Variants in GAS7 observed in about 807,000 individuals in gnomAD.
The protein encoded by GAS7 is growth arrest specific 7, also known as growth arrest-specific protein 7.
In GAS7, 28 loss-of-function variants were observed where a neutral mutation model predicts 71.1. That is an observed-to-expected ratio of 0.39 (90% CI 0.29 to 0.54). The LOEUF (loss-of-function observed/expected upper bound fraction) is 0.54. GAS7 is among the 20% of genes least tolerant of loss of function. The probability of loss-of-function intolerance (pLI) is 0.62; values close to 1 mark genes in which losing one functional copy is unlikely to be tolerated. For synonymous variants in GAS7, 258 were observed against 245.8 expected (o/e 1.05, Z -0.46); for missense variants, 436 against 627.8 (o/e 0.69, Z 3.27).
chr17:10,182,141 G>A (rs1007799799), intron 1 of GAS7, among the ~76,000 whole-genome samples: 5 of 152,062 alleles, frequency 3.3e-5, no homozygotes, highest in African/African-American at 9.7e-5. Flanking sequence ...CTACCTAAGC[G>A]GTAGCCATCC....
In GAS7 at chr17:10,032,938, C is replaced by T. The variant is rs530751792; in HGVS notation, c.184-13041G>A. On this transcript the variant is annotated intron_variant, in intron 1 of 13. Transcript: ENST00000432992. ...AAATGCATGCCCAAATCACGGTATGCGATAGTGCACATGACCTCAGGTCTG... is the reference window on the plus strand; with the variant it reads ...AAATGCATGCCCAAATCACGGTATGTGATAGTGCACATGACCTCAGGTCTG... Among the ~76,000 whole-genome samples, 8 of 152,250 alleles carry T rather than the reference C, an allele frequency of 5.3e-5. No homozygotes were observed. In the South Asian group the frequency reaches 1.7e-3, roughly 32 times the overall value.
intron 1 of GAS7, among the ~76,000 whole-genome samples, chr17:10,112,753 G>GAA (rs376266523): frequency 8.1e-5 from 2 of 24,660 alleles, no homozygotes; most frequent in South Asian, 2.2e-3. Context: ...AACAAACAAA[G>GAA]AAAAGAAAAA....
rs768828455 is a variant in GAS7 at position 9,990,874 on chromosome 17, G to A, written c.305-8990C>T. ...GGTATACTCTAAGGTCTGAGAATCCGTTATTAAGAGCTCTGGCGCTGGCAT... is the reference window on the plus strand; with the variant it reads ...GGTATACTCTAAGGTCTGAGAATCCATTATTAAGAGCTCTGGCGCTGGCAT... On this transcript the variant is annotated intron_variant, in intron 2 of 13. Transcript: ENST00000432992. Among the ~76,000 whole-genome samples the A allele has an allele frequency of 3.9e-5, 6 of 152,274 alleles. 1 individual carries two copies. The highest frequency in any genetic ancestry group is 7.2e-5 in the African/African-American group (3 of 41,556).
chr17:10,142,189 C>G (rs922690004), intron 1 of GAS7, among the ~76,000 whole-genome samples: 2 of 145,536 alleles, frequency 1.4e-5, no homozygotes, highest in African/African-American at 5.1e-5. Flanking sequence ...GCAGTCCGGC[C>G]TGGGCGACAC....
chr17:10,118,137 C>T (rs901546412), intron 1 of GAS7, among the ~76,000 whole-genome samples: 3 of 152,154 alleles, frequency 2.0e-5, no homozygotes, highest in Non-Finnish European at 4.4e-5. Flanking sequence ...CAGCCAAGAC[C>T]ATCCCGGATT....
At chr17:9,971,413 A>T (rs2069956751) in intron 3 of GAS7, among the ~76,000 whole-genome samples, 1 of 151,998 alleles carries the variant, frequency 6.6e-6, no homozygotes, top group Admixed American at 6.6e-5. Flanking sequence ...ATATATTTTT[A>T]AATTAGCTGG....
chr17:9,945,241 C>A (rs551564560), intron 6 of GAS7, among the ~76,000 whole-genome samples: 1 of 152,202 alleles, frequency 6.6e-6, no homozygotes, highest in African/African-American at 2.4e-5. Flanking sequence ...CTGCCGCCAC[C>A]ACCATCTTTC....
intron 1 of GAS7, among the ~76,000 whole-genome samples, chr17:10,106,024 TG>T (rs958940756): frequency 6.6e-5 from 10 of 152,152 alleles, no homozygotes; most frequent in Admixed American, 1.3e-4. Flanking sequence ...CCTCTCCTCC[TG>T]GGCAGTACTA....
chr17:10,134,051 AT>A (rs1157332765), intron 1 of GAS7, among the ~76,000 whole-genome samples: 3 of 29,158 alleles, frequency 1.0e-4, no homozygotes, highest in African/African-American at 2.9e-4. Context: ...TTTTTTTGAG[AT>A]GGGAGTCTCG....
intron 1 of GAS7, among the ~76,000 whole-genome samples, chr17:10,194,858 CAAAAAAAAA>C (rs5819269): frequency 7.0e-5 from 6 of 85,196 alleles, no homozygotes; most frequent in African/African-American, 1.6e-4. Context: ...GACTCTGTCT[CAAAAAAAAA>C]AAAAAAAAAA....
At chr17:10,064,820 C>T (rs8079992) in intron 1 of GAS7, among the ~76,000 whole-genome samples, 76,788 of 151,894 alleles carry the variant, frequency 0.51, 20,159 homozygotes, top group African/African-American at 0.64. Context: ...CCTTTTTTGT[C>T]TGAATCCAAT....
intron 4 of GAS7, among the ~76,000 whole-genome samples, chr17:9,960,427 C>T (rs28593328): frequency 0.016 from 2,366 of 152,008 alleles, 55 homozygotes; most frequent in African/African-American, 0.054. Flanking sequence ...TGACCTCAGG[C>T]GATCCACCTG....
chr17:10,190,558 C>A (rs558245481), intron 1 of GAS7, among the ~76,000 whole-genome samples: 1 of 145,262 alleles, frequency 6.9e-6, no homozygotes, highest in Non-Finnish European at 1.5e-5. Context: ...CCAGCCTGAG[C>A]GACAGAGCAA....
chr17:10,011,743 G>A (rs561183534), intron 2 of GAS7, among the ~76,000 whole-genome samples: 13 of 152,292 alleles, frequency 8.5e-5, no homozygotes, highest in African/African-American at 2.9e-4. Flanking sequence ...TTGGGAGGCC[G>A]AGGCGGGTGG....
intron 1 of GAS7, among the ~76,000 whole-genome samples, chr17:10,138,744 G>A (rs2074059347): frequency 6.6e-6 from 1 of 151,870 alleles, no homozygotes; most frequent in South Asian, 2.1e-4. Flanking sequence ...TCCAGCCTGG[G>A]CGACACAGAG....
At chr17:9,985,546 A>G (rs1237465033) in intron 2 of GAS7, among the ~76,000 whole-genome samples, 2 of 152,232 alleles carry the variant, frequency 1.3e-5, no homozygotes, top group African/African-American at 4.8e-5. Context: ...CATGCAGCCT[A>G]TCAAGATTGC....
At chr17:9,946,829 C>G in intron 6 of GAS7, 65 bp downstream of exon 6, 1 of 985,572 alleles carries the variant, frequency 1.0e-6, no homozygotes, top group Non-Finnish European at 1.6e-6. Flanking sequence ...TCCCTCCTAC[C>G]CATCCTGGGT....
intron 11 of GAS7, among the ~76,000 whole-genome samples, chr17:9,922,190 TGATGAA>T (rs72125998): frequency 0.23 from 34,401 of 148,430 alleles, 4,211 homozygotes; most frequent in Non-Finnish European, 0.29. Flanking sequence ...GCTATGGTGG[TGATGAA>T]GATGATGATG....
chr17:10,088,917 AGAGGCT>A (rs964596331), intron 1 of GAS7, among the ~76,000 whole-genome samples: 2 of 151,892 alleles, frequency 1.3e-5, no homozygotes, highest in African/African-American at 4.8e-5. Flanking sequence ...CAGCACTTTG[AGAGGCT>A]GAGGCAGGCA....
Sources: allele counts gnomAD v4.1 joint callset (sites outside exome capture counted in the v4.1 genomes callset), GRCh38; gene constraint gnomAD v4.1.1; transcripts MANE v1.5; gene names NCBI Gene and HGNC (gene_info 2026-07-23, HGNC 2026-07-21).